The following ACMSD variants were observed in gnomAD, a reference collection of about 807,000 sequenced individuals.
The protein encoded by ACMSD is aminocarboxymuconate semialdehyde decarboxylase, also known as 2-amino-3-carboxymuconate-6-semialdehyde decarboxylase.
ACMSD carries 37 observed loss-of-function variants against 45.9 expected under a neutral mutation model. The observed-to-expected ratio is 0.81, with a 90% CI of 0.62 to 1.06. ACMSD has a LOEUF of 1.06. Among genes scored for constraint, ACMSD ranks in the 50% least tolerant of loss-of-function variants. The pLI is 0.00. For synonymous variants in ACMSD, 138 were observed against 148.8 expected, an observed-to-expected ratio of 0.93 and a Z score of 0.53; for missense variants, 434 against 420.9, an observed-to-expected ratio of 1.03 and a Z score of -0.27.
chr2:134,860,303 T>C (rs1687787998), intron 3 of ACMSD, among the ~76,000 whole-genome samples: 2 of 152,162 alleles, frequency 1.3e-5, no homozygotes, highest in African/African-American at 4.8e-5. Flanking sequence ...ATCTAAAGTA[T>C]GACATGATGG....
chr2:134,895,742 T>A (rs1363133418), intron 8 of ACMSD, among the ~76,000 whole-genome samples: 1 of 152,180 alleles, frequency 6.6e-6, no homozygotes, highest in Non-Finnish European at 1.5e-5. Flanking sequence ...GTGCCTGTAA[T>A]TTCAGCTACT....
chr2:134,871,674 A>AACAG (rs990047401), intron 7 of ACMSD, among the ~76,000 whole-genome samples: 1 of 142,352 alleles, frequency 7.0e-6, no homozygotes, highest in African/African-American at 2.7e-5. Flanking sequence ...GTGACCCTTC[A>AACAG]ACAGACAGAC....
At chr2:134,869,938 C>T (rs1198243695) in intron 6 of ACMSD, among the ~76,000 whole-genome samples, 2 of 152,212 alleles carry the variant, frequency 1.3e-5, no homozygotes, top group African/African-American at 4.8e-5. Flanking sequence ...TGCCATCCAT[C>T]TCTCTGCCTT....
chr2:134,848,705 C>T (rs1238335258), intron 2 of ACMSD, among the ~76,000 whole-genome samples: 1 of 152,122 alleles, frequency 6.6e-6, no homozygotes, highest in African/African-American at 2.4e-5. Flanking sequence ...ATTGCAAAAG[C>T]TTCCTCCCAT....
Position 134,861,974 on chromosome 2 carries a change from A to T in ACMSD, c.205A>T (p.Thr69Ser). Residue 69 changes from threonine to serine, a missense_variant, in exon 4 of 10, where the codon ACA (threonine) becomes TCA (serine). Coordinates refer to ENST00000356140, the MANE Select transcript of ACMSD (RefSeq NM_138326.3). Reference protein sequence around the residue: ...RIREMDQKGVTVQALSTVPVM... With the variant: ...RIREMDQKGVSVQALSTVPVM... ...TTCTTTGTGTCCATGTCTAGGAGTAACAGTGCAAGCCCTTTCCACAGTTCC... is the reference window on the plus strand; with the variant it reads ...TTCTTTGTGTCCATGTCTAGGAGTATCAGTGCAAGCCCTTTCCACAGTTCC... 6.2e-7 allele frequency: 1 copy of T among 1,614,160 alleles called. No homozygotes were observed.
At chr2:134,866,401 C>T (rs1688098169) in intron 5 of ACMSD, among the ~76,000 whole-genome samples, 1 of 152,108 alleles carries the variant, frequency 6.6e-6, no homozygotes, top group African/African-American at 2.4e-5. Flanking sequence ...TTTGCCAAAC[C>T]CAAACCATCC....
At chr2:134,882,381 T>C (rs1337387099) in intron 8 of ACMSD, among the ~76,000 whole-genome samples, 2 of 152,186 alleles carry the variant, frequency 1.3e-5, no homozygotes, top group Non-Finnish European at 2.9e-5. Context: ...TCACTTACCC[T>C]TCTCAGCCTC....
chr2:134,874,983 A>G (rs190027124), intron 8 of ACMSD, among the ~76,000 whole-genome samples: 1 of 152,312 alleles, frequency 6.6e-6, no homozygotes, highest in East Asian at 1.9e-4. Context: ...TAAAATGGTA[A>G]AAGTGGCTGC....
At chr2:134,899,472 AT>A (rs956518129) in intron 9 of ACMSD, among the ~76,000 whole-genome samples, 2 of 152,182 alleles carry the variant, frequency 1.3e-5, no homozygotes, top group African/African-American at 2.4e-5. Context: ...TCATAAAGGC[AT>A]TTTTTATCTT....
At chr2:134,871,960 C>CTT (rs35987999) in intron 7 of ACMSD, among the ~76,000 whole-genome samples, 11,074 of 142,038 alleles carry the variant, frequency 0.078, 801 homozygotes, top group African/African-American at 0.18. Context: ...TGCCTTCACT[C>CTT]TTTTTTTTTT....
At chr2:134,845,325 G>A (rs1686999942) in intron 2 of ACMSD, 48 bp downstream of exon 2, 1 of 1,600,888 alleles carries the variant, frequency 6.2e-7, no homozygotes. Context: ...AGGGAGAGCT[G>A]AGCCATGGGA....
chr2:134,848,465 A>C (rs1286647186), intron 2 of ACMSD, among the ~76,000 whole-genome samples: 1 of 152,124 alleles, frequency 6.6e-6, no homozygotes, highest in Non-Finnish European at 1.5e-5. Flanking sequence ...TTTTAATGAT[A>C]GCCATTCTAA....
At chr2:134,847,978 A>T (rs2104821683) in intron 2 of ACMSD, among the ~76,000 whole-genome samples, 1 of 151,876 alleles carries the variant, frequency 6.6e-6, no homozygotes, top group South Asian at 2.1e-4. Flanking sequence ...CAGGCTCCTG[A>T]GTAGCTGGAA....
chr2:134,863,088 A>C (rs2104856671), intron 4 of ACMSD: 4 of 970,928 alleles, frequency 4.1e-6, no homozygotes, highest in Admixed American at 6.1e-5. Flanking sequence ...TGCAGTTGGC[A>C]GTGGCCCATG....
At chr2:134,859,062 A>T (rs1052948209) in intron 2 of ACMSD, among the ~76,000 whole-genome samples, 199 bp from the exon 3 acceptor site, 17 of 150,702 alleles carry the variant, frequency 1.1e-4, no homozygotes, top group African/African-American at 4.2e-4. Context: ...CCCACAGAGC[A>T]CACCCCTTCA....
chr2:134,891,009 G>A (rs1689753012), intron 8 of ACMSD, among the ~76,000 whole-genome samples: 1 of 151,852 alleles, frequency 6.6e-6, no homozygotes, highest in African/African-American at 2.4e-5. Flanking sequence ...AGTTCTTTGA[G>A]CTCCTTATAA....
intron 1 of ACMSD, among the ~76,000 whole-genome samples, chr2:134,843,042 A>AT (rs1355486481): frequency 6.6e-6 from 1 of 152,238 alleles, no homozygotes; most frequent in Non-Finnish European, 1.5e-5. Flanking sequence ...TTTCTTCTAC[A>AT]TTAAGGATAA....
intron 6 of ACMSD, among the ~76,000 whole-genome samples, chr2:134,868,718 G>C (rs1367649893): frequency 6.6e-6 from 1 of 152,094 alleles, no homozygotes; most frequent in Admixed American, 6.6e-5. Flanking sequence ...CTCCCAAAGT[G>C]CTGGGATTAC....
chr2:134,863,249 T>C (rs950292034), intron 4 of ACMSD, 146 bp from the exon 5 acceptor site: 1 of 990,300 alleles, frequency 1.0e-6, no homozygotes. Flanking sequence ...GGCCAGCACC[T>C]TTCCCAATCT....
Sources: gnomAD v4.1 joint callset for allele counts (sites outside exome capture counted in the v4.1 genomes callset) on GRCh38, gnomAD v4.1.1 for gene constraint, MANE v1.5 for transcripts, NCBI Gene and HGNC (gene_info 2026-07-23, HGNC 2026-07-21) for gene names.